Variants in CDC25C observed in about 807,000 individuals in gnomAD.
The protein encoded by CDC25C is cell division cycle 25C.
Under a neutral mutation model 52.5 loss-of-function variants are expected in CDC25C, and 48 were observed. The ratio of observed to expected loss-of-function variants is 0.91; its 90% CI spans 0.72 to 1.16. The LOEUF (loss-of-function observed/expected upper bound fraction) is 1.16, where lower values mean the gene tolerates loss of function less well. Among genes scored for constraint, CDC25C ranks in the 50% most tolerant of loss-of-function variants. The pLI, the probability that CDC25C is intolerant of heterozygous loss-of-function variation, is 0.00. For synonymous variants in CDC25C, 187 were observed against 206.5 expected (o/e 0.91, Z 0.81); for missense variants, 510 against 566.1 (o/e 0.90, Z 1.01).
chr5:138,335,203 C>T (rs1236991937), upstream of CDC25C: 1 of 152,252 alleles, frequency 6.6e-6, no homozygotes, highest in Non-Finnish European at 1.5e-5. Flanking sequence ...TTCCTGGGAT[C>T]CTCCCAGCCA....
intron 4 of CDC25C, among the ~76,000 whole-genome samples, chr5:138,327,253 C>CA (rs758956397): frequency 0.045 from 5,523 of 123,738 alleles, 171 homozygotes; most frequent in Non-Finnish European, 0.068. Flanking sequence ...GACTCCATCT[C>CA]AAAAAAAAAA....
chr5:138,316,853 C>T (rs1455209651), intron 7 of CDC25C, among the ~76,000 whole-genome samples: 3 of 152,110 alleles, frequency 2.0e-5, no homozygotes, highest in South Asian at 2.1e-4. Flanking sequence ...GGAGCTGCCC[C>T]CTGTGGGTCT....
At chr5:138,290,598 A>G in intron 9 of CDC25C, 41 bp downstream of exon 9, 2 of 1,082,102 alleles carry the variant, frequency 1.8e-6, no homozygotes, top group East Asian at 4.7e-5. Flanking sequence ...TCAGATCCAA[A>G]ATGACTCACT....
chr5:138,298,765 A>AAAAAT (rs910479254), intron 7 of CDC25C, among the ~76,000 whole-genome samples: 32 of 151,986 alleles, frequency 2.1e-4, no homozygotes, highest in South Asian at 4.2e-4. Context: ...AAAATAAAAT[A>AAAAAT]AAAATAAAAT....
upstream of CDC25C, chr5:138,331,929 G>T: frequency 1.0e-6 from 1 of 983,404 alleles, no homozygotes; most frequent in Non-Finnish European, 1.2e-6. Flanking sequence ...CTATCGTTGG[G>T]CTCGCAGATC....
intron 4 of CDC25C, among the ~76,000 whole-genome samples, chr5:138,327,873 T>C (rs571699279): frequency 6.6e-6 from 1 of 152,150 alleles, no homozygotes; most frequent in East Asian, 1.9e-4. Flanking sequence ...CTTTCTTTTT[T>C]TTTTTTTTTC....
chr5:138,295,912 A>G (rs1029054735), intron 7 of CDC25C, among the ~76,000 whole-genome samples: 3 of 152,190 alleles, frequency 2.0e-5, no homozygotes, highest in Non-Finnish European at 4.4e-5. Context: ...AGCCAAAAAG[A>G]AGGGAGGAAA....
intron 7 of CDC25C, among the ~76,000 whole-genome samples, chr5:138,316,478 G>C (rs1416303378): frequency 2.0e-5 from 3 of 152,132 alleles, no homozygotes; most frequent in African/African-American, 7.2e-5. Context: ...GAGACAGACA[G>C]GCTCCTGGGT....
chr5:138,315,459 A>AT (rs1005531517), intron 7 of CDC25C, among the ~76,000 whole-genome samples: 57 of 151,476 alleles, frequency 3.8e-4, no homozygotes, highest in African/African-American at 1.3e-3. Context: ...TGCTCTTTAA[A>AT]TTTTTTTTTC....
chr5:138,319,408 C>A, intron 6 of CDC25C, 34 bp from the exon 7 acceptor site: 1 of 1,502,536 alleles, frequency 6.7e-7, no homozygotes. Flanking sequence ...AAAAACTATT[C>A]AAAATATATC....
intron 7 of CDC25C, among the ~76,000 whole-genome samples, chr5:138,303,658 A>G (rs1757794277): frequency 1.3e-5 from 2 of 152,114 alleles, no homozygotes; most frequent in African/African-American, 4.8e-5. Flanking sequence ...TCACTCTCAA[A>G]TAAGTCTCCT....
At chr5:138,333,655 A>C (rs1760545182), upstream of CDC25C, 1 of 152,188 alleles carries the variant, frequency 6.6e-6, no homozygotes, top group South Asian at 2.1e-4. Flanking sequence ...AGTAGAGACA[A>C]AGTTATTCTC....
chr5:138,324,143 C>T (rs1450701774), intron 6 of CDC25C, among the ~76,000 whole-genome samples: 3 of 151,448 alleles, frequency 2.0e-5, no homozygotes, highest in South Asian at 2.1e-4. Flanking sequence ...TGGCAGCATG[C>T]GCCTGTAGTT....
intron 6 of CDC25C, among the ~76,000 whole-genome samples, chr5:138,320,202 G>A (rs1759248133): frequency 6.6e-6 from 1 of 152,164 alleles, no homozygotes. Flanking sequence ...CTACTTGGGA[G>A]GCTGAGGCAG....
chr5:138,332,207 T>C (rs1349171776), upstream of CDC25C: 4 of 152,186 alleles, frequency 2.6e-5, no homozygotes, highest in Non-Finnish European at 1.5e-5. Context: ...AGAGATTATT[T>C]TGGGTGGAGG....
chr5:138,333,447 G>A (rs1760534544), upstream of CDC25C: 1 of 152,208 alleles, frequency 6.6e-6, no homozygotes, highest in Non-Finnish European at 1.5e-5. Context: ...TGCTTCCCCA[G>A]AAAGGAGATG....
upstream of CDC25C, among the ~76,000 whole-genome samples, chr5:138,333,992 G>A (rs1760561302): frequency 6.6e-6 from 1 of 151,702 alleles, no homozygotes; most frequent in African/African-American, 2.4e-5. Flanking sequence ...AGAGTACAGT[G>A]GCGCAATCTT....
At chr5:138,318,526 CA>C in intron 7 of CDC25C, among the ~76,000 whole-genome samples, 1 of 152,058 alleles carries the variant, frequency 6.6e-6, no homozygotes, top group African/African-American at 2.4e-5. Flanking sequence ...CCAGCCTGGC[CA>C]ACATGGTGAA....
At chr5:138,296,429 G>C (rs1034096115) in intron 7 of CDC25C, among the ~76,000 whole-genome samples, 3 of 151,252 alleles carry the variant, frequency 2.0e-5, no homozygotes, top group Non-Finnish European at 4.4e-5. Context: ...TTATTTTTTT[G>C]AGACAGAGTC....
Sources: gnomAD v4.1 joint callset for allele counts (sites outside exome capture counted in the v4.1 genomes callset) on GRCh38, gnomAD v4.1.1 for gene constraint, MANE v1.5 for transcripts, NCBI Gene and HGNC (gene_info 2026-07-23, HGNC 2026-07-21) for gene names.